Variants in JAZF1 observed in about 807,000 individuals in gnomAD.
The protein encoded by JAZF1 is juxtaposed with another zinc finger protein 1.
JAZF1 carries 8 observed loss-of-function variants against 26.4 expected under a neutral mutation model. That is an observed-to-expected ratio of 0.30 (90% CI 0.18 to 0.55). JAZF1 has a LOEUF of 0.55. JAZF1 is among the 20% of genes least tolerant of loss of function. The pLI is 0.94. For missense variants in JAZF1, 199 were observed against 322.0 expected (o/e 0.62, Z 2.92); for synonymous variants, 126 against 122.3 (o/e 1.03, Z -0.20).
At chr7:27,989,587 A>C (rs530844317) in intron 2 of JAZF1, among the ~76,000 whole-genome samples, 1 of 152,336 alleles carries the variant, frequency 6.6e-6, no homozygotes, top group East Asian at 1.9e-4. Context: ...AATTTACAAG[A>C]AAAAAATCAA....
chr7:27,883,415 T>C (rs1170306415), intron 3 of JAZF1, among the ~76,000 whole-genome samples: 1 of 152,200 alleles, frequency 6.6e-6, no homozygotes, highest in Admixed American at 6.5e-5. Context: ...CAGTTAATAG[T>C]AGAGATGAAA....
rs138853121 is a variant in JAZF1, at chr7:28,024,214, A to T, written c.116-32233T>A. Among the ~76,000 whole-genome samples the T allele has an allele frequency of 3.1e-3, 475 of 152,304 alleles. 1 individual carries two copies. Among genetic ancestry groups the T allele is most frequent in the Non-Finnish European group, 5.4e-3 (366 of 68,026 alleles). On this transcript the variant is annotated intron_variant, in intron 1 of 4. Transcript: ENST00000283928. ...GGAGGTTGCGGCGGAAGGACTGCTT[A>T]AGCCCACGAGGTTGAGGCTGCAGTG...
chr7:28,020,605 A>G, intron 1 of JAZF1: 1 of 471,224 alleles, frequency 2.1e-6, no homozygotes, highest in Non-Finnish European at 4.4e-6. Context: ...CCATGTCTTC[A>G]TTTCTCAGCA....
intron 1 of JAZF1, among the ~76,000 whole-genome samples, chr7:28,158,000 C>T (rs1783214336): frequency 6.6e-6 from 1 of 151,900 alleles, no homozygotes; most frequent in South Asian, 2.1e-4. Flanking sequence ...CAGGGATTGC[C>T]CAATGTCTAT....
At chr7:27,893,223 T>G (rs1784002417) in intron 3 of JAZF1, among the ~76,000 whole-genome samples, 1 of 152,240 alleles carries the variant, frequency 6.6e-6, no homozygotes, top group South Asian at 2.1e-4. Flanking sequence ...CCAAACTTAC[T>G]AGGAAATCCC....
rs573566664 is a variant in JAZF1 at position 27,979,904 on chromosome 7, T to C, written c.188+12005A>G. ...TCAACCTAATTCAGTGGTAGCCATC[T>C]ATCATATAGGAATTACTGGTTACCT... On this transcript the variant is annotated intron_variant, in intron 2 of 4. Coordinates refer to ENST00000283928, the MANE Select transcript of JAZF1 (RefSeq NM_175061.4). 2.6e-5 allele frequency among the ~76,000 whole-genome samples: 4 copies of C among 152,330 alleles called. No individual in the cohort carries two copies. In the South Asian group the frequency reaches 8.3e-4, roughly 32 times the overall value.
intron 2 of JAZF1, among the ~76,000 whole-genome samples, chr7:27,935,041 G>A (rs1784745671): frequency 6.6e-6 from 1 of 152,142 alleles, no homozygotes; most frequent in Admixed American, 6.5e-5. Context: ...AATGGCAAAG[G>A]ATTTGAATAG....
At chr7:27,907,290 T>G (rs1156627095) in intron 2 of JAZF1, among the ~76,000 whole-genome samples, 1 of 152,226 alleles carries the variant, frequency 6.6e-6, no homozygotes, top group Non-Finnish European at 1.5e-5. Flanking sequence ...TGAAAAGCCC[T>G]TGGCTCCACA....
intron 1 of JAZF1, among the ~76,000 whole-genome samples, chr7:28,121,560 C>G (rs1782606167): frequency 6.6e-6 from 1 of 152,164 alleles, no homozygotes; most frequent in African/African-American, 2.4e-5. Context: ...ATGTGTGATC[C>G]TATTTTCATC....
intron 3 of JAZF1, among the ~76,000 whole-genome samples, chr7:27,870,741 A>C (rs1194564417): frequency 6.6e-6 from 1 of 152,082 alleles, no homozygotes; most frequent in African/African-American, 2.4e-5. Context: ...AGGTCAAATA[A>C]ATGGGAAACC....
intron 2 of JAZF1, among the ~76,000 whole-genome samples, chr7:27,903,013 C>T (rs984487387): frequency 3.5e-4 from 18 of 51,072 alleles, no homozygotes; most frequent in Admixed American, 1.2e-3. Context: ...GAGACTCCGT[C>T]TTAAAAAAAA....
At chr7:27,938,832 A>T (rs1278132465) in intron 2 of JAZF1, among the ~76,000 whole-genome samples, 1 of 141,080 alleles carries the variant, frequency 7.1e-6, no homozygotes, top group Non-Finnish European at 1.5e-5. Context: ...GTAGAAATGG[A>T]GTTTTGCCAT....
chr7:28,110,995 C>G (rs1239600851), intron 1 of JAZF1, among the ~76,000 whole-genome samples: 1 of 152,196 alleles, frequency 6.6e-6, no homozygotes, highest in Non-Finnish European at 1.5e-5. Flanking sequence ...TGCTTGCAAT[C>G]TGGTCAACAA....
intron 1 of JAZF1, among the ~76,000 whole-genome samples, chr7:28,161,754 C>A (rs769773807): frequency 1.3e-5 from 2 of 152,144 alleles, no homozygotes; most frequent in Non-Finnish European, 2.9e-5. Flanking sequence ...GCTATAAAAA[C>A]CAGACTTAGA....
rs1004525655 is a variant in JAZF1 at position 27,892,015 on chromosome 7, T to C, written c.385+3205A>G. ...ATGACTATTACTTCTGAAGTGGGAA[T>C]GCACCATGAATATAGAACTTGCAAG... On this transcript the variant is annotated intron_variant, in intron 3 of 4. Coordinates refer to ENST00000283928, the MANE Select transcript of JAZF1 (RefSeq NM_175061.4). Among the ~76,000 whole-genome samples, 7 of 152,338 alleles carry C rather than the reference T, an allele frequency of 4.6e-5. No homozygotes were observed. The South Asian group carries it at 1.4e-3, about 32-fold the overall frequency.
At chr7:28,073,266 T>C (rs1784004441) in intron 1 of JAZF1, among the ~76,000 whole-genome samples, 1 of 152,174 alleles carries the variant, frequency 6.6e-6, no homozygotes, top group Non-Finnish European at 1.5e-5. Context: ...GGAGACCTGG[T>C]CTCTGGGCTT....
intron 1 of JAZF1, among the ~76,000 whole-genome samples, chr7:28,055,662 G>A (rs1227706565): frequency 6.6e-6 from 1 of 152,168 alleles, no homozygotes; most frequent in East Asian, 1.9e-4. Flanking sequence ...ACGAAGACAA[G>A]GCTCTTTGTT....
chr7:28,053,377 G>GT (rs144795159), intron 1 of JAZF1, among the ~76,000 whole-genome samples: 8,513 of 152,196 alleles, frequency 0.056, 419 homozygotes, highest in African/African-American at 0.13. Flanking sequence ...TCTATTTTCA[G>GT]TTTTTTGAGG....
At chr7:28,006,736 G>A (rs868699459) in intron 1 of JAZF1, among the ~76,000 whole-genome samples, 5 of 152,154 alleles carry the variant, frequency 3.3e-5, no homozygotes, top group Non-Finnish European at 5.9e-5. Flanking sequence ...CAAAGTATGT[G>A]CTATTTGACC....
Sources: allele counts gnomAD v4.1 joint callset (sites outside exome capture counted in the v4.1 genomes callset), GRCh38; gene constraint gnomAD v4.1.1; transcripts MANE v1.5; gene names NCBI Gene and HGNC (gene_info 2026-07-23, HGNC 2026-07-21).